Variants in GABRP observed in about 807,000 individuals in gnomAD.
GABRP encodes gamma-aminobutyric acid type A receptor subunit pi.
GABRP carries 52 observed loss-of-function variants against 47.8 expected under a neutral mutation model. The observed-to-expected ratio is 1.09, with a 90% CI of 0.87 to 1.37. The LOEUF (loss-of-function observed/expected upper bound fraction) is 1.37. Among genes scored for constraint, GABRP ranks in the 40% most tolerant of loss-of-function variants. The pLI is 0.00. For synonymous variants in GABRP, 221 were observed against 205.8 expected, an observed-to-expected ratio of 1.07 and a Z score of -0.63; for missense variants, 525 against 542.8, an observed-to-expected ratio of 0.97 and a Z score of 0.33.
intron 7 of GABRP, among the ~76,000 whole-genome samples, chr5:170,807,652 C>A (rs1765770481): frequency 6.6e-6 from 1 of 152,106 alleles, no homozygotes; most frequent in Admixed American, 6.5e-5. Flanking sequence ...ACTAAAACTT[C>A]CTGTGTCTCA....
chr5:170,799,469 C>G (rs1169799147), intron 6 of GABRP, among the ~76,000 whole-genome samples: 1 of 152,132 alleles, frequency 6.6e-6, no homozygotes, highest in Admixed American at 6.5e-5. Flanking sequence ...TAATGATTGC[C>G]ATTCTAACTG....
At chr5:170,805,386 CTT>C (rs1318138716) in intron 6 of GABRP, among the ~76,000 whole-genome samples, 3 of 152,134 alleles carry the variant, frequency 2.0e-5, no homozygotes, top group Admixed American at 6.5e-5. Context: ...AAGGCAGTAT[CTT>C]TGCGTGTTCA....
intron 6 of GABRP, among the ~76,000 whole-genome samples, chr5:170,804,627 T>G (rs1341106373): frequency 6.6e-6 from 1 of 152,176 alleles, no homozygotes; most frequent in Non-Finnish European, 1.5e-5. Context: ...TCTTTTTGTT[T>G]GCTTATGAAC....
At chr5:170,786,356 A>G (rs1166082489) in intron 1 of GABRP, among the ~76,000 whole-genome samples, 7 of 152,240 alleles carry the variant, frequency 4.6e-5, no homozygotes, top group Admixed American at 2.6e-4. Flanking sequence ...AAGCTAACAT[A>G]ACAGAGAGCA....
intron 1 of GABRP, among the ~76,000 whole-genome samples, chr5:170,787,051 C>T (rs1294242931): frequency 6.6e-6 from 1 of 152,030 alleles, no homozygotes; most frequent in East Asian, 1.9e-4. Context: ...CAAAATTGAG[C>T]CTTCCCTACA....
Position 170,811,978 on chromosome 5 carries a change from A to G in GABRP, c.1043A>G (p.Glu348Gly). 1 of 1,613,974 alleles carries G rather than the reference A, an allele frequency of 6.2e-7. No homozygotes were observed. Residue 348 changes from glutamate to glycine, a missense_variant, in exon 10 of 10, where the codon GAA (glutamate) becomes GGA (glycine). Physicochemically the swap from Glu to Gly is moderately conservative, Grantham distance 98. Transcript: ENST00000265294. ...KDRGTTKEVEEVSITNIINSS... is the reference protein window; with the variant it reads ...KDRGTTKEVEGVSITNIINSS... ...TAGGGGACAACAAAGGAAGTAGAAG[A>G]AGTCAGTATTACTAATATCATCAAC...
At chr5:170,804,224 G>T (rs1227683890) in intron 6 of GABRP, among the ~76,000 whole-genome samples, 1 of 147,476 alleles carries the variant, frequency 6.8e-6, no homozygotes, top group Non-Finnish European at 1.5e-5. Context: ...ATGTGAGATA[G>T]ATGAGATAGA....
chr5:170,789,419 A>G (rs1268959694), intron 3 of GABRP, among the ~76,000 whole-genome samples, 172 bp downstream of exon 3: 1 of 152,162 alleles, frequency 6.6e-6, no homozygotes, highest in Non-Finnish European at 1.5e-5. Context: ...CTGCCTGGAA[A>G]AAGGCACCCA....
intron 9 of GABRP, 144 bp from the exon 10 acceptor site, chr5:170,811,812 C>A: frequency 1.3e-6 from 1 of 755,070 alleles, no homozygotes; most frequent in Non-Finnish European, 2.1e-6. Context: ...GGCTTATTGG[C>A]CAATTTCTGA....
chr5:170,800,466 T>C (rs4868032), intron 6 of GABRP, among the ~76,000 whole-genome samples: 81,208 of 152,112 alleles, frequency 0.53, 24,700 homozygotes, highest in African/African-American at 0.85. Flanking sequence ...TATTTTATTT[T>C]TTTTTTCTGT....
chr5:170,795,083 G>C (rs1389673138), intron 4 of GABRP, 125 bp from the exon 5 acceptor site: 1 of 720,844 alleles, frequency 1.4e-6, no homozygotes, highest in African/African-American at 1.8e-5. Context: ...ATTCACCAAA[G>C]TCTGTGTATT....
At chr5:170,806,603 C>T (rs941424334) in intron 7 of GABRP, among the ~76,000 whole-genome samples, 1 of 152,134 alleles carries the variant, frequency 6.6e-6, no homozygotes, top group East Asian at 1.9e-4. Flanking sequence ...CCAGCATGCC[C>T]GGCTAATTTT....
intron 3 of GABRP, among the ~76,000 whole-genome samples, chr5:170,793,863 C>T (rs1043279469): frequency 1.3e-5 from 2 of 151,916 alleles, no homozygotes; most frequent in East Asian, 1.9e-4. Context: ...ACCTGGGAGG[C>T]GGAGTTTGTG....
intron 3 of GABRP, among the ~76,000 whole-genome samples, chr5:170,792,168 C>T (rs952291865): frequency 1.3e-5 from 2 of 152,270 alleles, no homozygotes; most frequent in East Asian, 1.9e-4. Context: ...ATAGGCCAAG[C>T]GCAGTGGCTC....
At chr5:170,808,127 A>G (rs1189737608) in intron 7 of GABRP, among the ~76,000 whole-genome samples, 1 of 152,226 alleles carries the variant, frequency 6.6e-6, no homozygotes, top group Non-Finnish European at 1.5e-5. Context: ...GCCCTGAAGT[A>G]GTATAAAATC....
chr5:170,803,457 T>C (rs913009566), intron 6 of GABRP, among the ~76,000 whole-genome samples: 1 of 152,218 alleles, frequency 6.6e-6, no homozygotes, highest in African/African-American at 2.4e-5. Context: ...TAATAGTGTC[T>C]GACTCAGAGT....
chr5:170,788,345 T>C (rs1242440063), intron 1 of GABRP: 10 of 343,722 alleles, frequency 2.9e-5, no homozygotes, highest in Admixed American at 9.2e-5. Context: ...TGAGGCCCTG[T>C]TTAAAAAAAA....
At chr5:170,795,556 C>CTATCT in intron 5 of GABRP, 131 bp downstream of exon 5, 1 of 698,456 alleles carries the variant, frequency 1.4e-6, no homozygotes. Context: ...GATCCTTGCC[C>CTATCT]CCATAATAGA....
In GABRP at chr5:170,808,753, G is replaced by A. The variant is rs1210239040; in HGVS notation, c.832+1G>A. On this transcript the variant is annotated splice_donor_variant, in intron 8 of 9. Transcript: ENST00000265294. LOFTEE classifies it high-confidence loss of function. ...TCAGTCCCTGCAAGAACCTGCATTG[G>A]TAAGCAGCTCCAACAGGAGATTTCT... 1 of 1,613,562 alleles carries A rather than the reference G, an allele frequency of 6.2e-7. No individual in the cohort carries two copies. The highest frequency in any genetic ancestry group is 1.1e-5 in the South Asian group (1 of 91,004).
Sources: gnomAD v4.1 joint callset for allele counts (sites outside exome capture counted in the v4.1 genomes callset) on GRCh38, gnomAD v4.1.1 for gene constraint, MANE v1.5 for transcripts, NCBI Gene and HGNC (gene_info 2026-07-23, HGNC 2026-07-21) for gene names.